Variants in HTR3D observed in about 807,000 individuals in gnomAD.
HTR3D encodes the protein 5-hydroxytryptamine (serotonin) receptor 3 family member D.
HTR3D carries 47 observed loss-of-function variants against 45.8 expected under a neutral mutation model. That is an observed-to-expected ratio of 1.03 (90% CI 0.81 to 1.31). The LOEUF is 1.31. HTR3D is among the 50% of genes most tolerant of loss of function. HTR3D has a pLI of 0.00. For missense variants in HTR3D, 448 were observed against 506.9 expected, an observed-to-expected ratio of 0.88 and a Z score of 1.12; for synonymous variants, 203 against 199.8, an observed-to-expected ratio of 1.02 and a Z score of -0.13.
Position 184,038,482 on chromosome 3 carries a change from G to A in HTR3D, c.843G>A (p.Leu281=). 1 of 1,614,024 alleles carries A rather than the reference G, an allele frequency of 6.2e-7. No individual in the cohort carries two copies. ...AGACCATCTTCATCACCCACCTGCTGCACGTGGCCACCACCCAGCCCCTAC... is the reference window on the plus strand; with the variant it reads ...AGACCATCTTCATCACCCACCTGCTACACGTGGCCACCACCCAGCCCCTAC... ...LLETIFITHL[L]HVATTQPLPL... Residue 281 remains leucine (L), a synonymous_variant, in exon 7 of 8, where the codon CTG becomes CTA. Coordinates refer to ENST00000428798, the MANE Select transcript of HTR3D (RefSeq NM_001145143.1). The surrounding 1 kb of genome is among the most constrained non-coding windows in gnomAD (Gnocchi z 4.5).
chr3:184,034,470 T>A, intron 1 of HTR3D, among the ~76,000 whole-genome samples: 1 of 152,182 alleles, frequency 6.6e-6, no homozygotes, highest in East Asian at 1.9e-4. Context: ...GTTTCCATTT[T>A]GCAAGAAGAA....
Position 184,036,911 on chromosome 3 carries a change from C to G in HTR3D, c.516+15C>G. ...CCATCTTCCATGTGAGCTCAGGGGC[C>G]AAGACAAGGTTTCACCATGTTGGCC... On this transcript the variant is annotated intron_variant, in intron 5 of 7. Coordinates refer to ENST00000428798, the MANE Select transcript of HTR3D (RefSeq NM_001145143.1). The G allele has an allele frequency of 6.5e-7, 1 of 1,550,156 alleles. No homozygotes were observed. Among genetic ancestry groups the G allele is most frequent in the South Asian group, 1.2e-5 (1 of 83,896 alleles).
chr3:184,032,925 C>T (rs768195397), intron 1 of HTR3D: 1 of 1,552,680 alleles, frequency 6.4e-7, no homozygotes. Flanking sequence ...ATCAATTGCC[C>T]AGGCTTTGGC....
rs1406764181 is a variant in HTR3D, at chr3:184,038,349, A to G, written c.770-60A>G. 9.9e-6 allele frequency: 16 copies of G among 1,612,570 alleles called. No homozygotes were observed. The highest frequency in any genetic ancestry group is 1.3e-5 in the African/African-American group (1 of 74,864). On this transcript the variant is annotated intron_variant, in intron 6 of 7. Coordinates refer to ENST00000428798, the MANE Select transcript of HTR3D (RefSeq NM_001145143.1). This position sits in a 1 kb window ranked among gnomAD's most constrained non-coding sequence, Gnocchi z 4.5. ...GGATCCTGGAAAAAGATCCTCTGGGAAAGAAACAAGAAATTCTAGGTGGCG... is the reference window on the plus strand; with the variant it reads ...GGATCCTGGAAAAAGATCCTCTGGGGAAGAAACAAGAAATTCTAGGTGGCG...
At chr3:184,037,260 A>G (rs1722935137) in intron 5 of HTR3D, among the ~76,000 whole-genome samples, 1 of 151,890 alleles carries the variant, frequency 6.6e-6, no homozygotes, top group African/African-American at 2.4e-5. Context: ...GGCCGGTCTC[A>G]AAGTCCTGAA....
chr3:184,035,088 G>T, intron 1 of HTR3D, 90 bp from the exon 2 acceptor site: 1 of 1,540,322 alleles, frequency 6.5e-7, no homozygotes, highest in African/African-American at 1.4e-5. Context: ...ATTGCCACAT[G>T]GACCAGCCTT....
rs569970619 is a variant in HTR3D, at chr3:184,035,169, C to G, written c.67-9C>G. ...GAGTTAATCATCTAGATGAAAGCTG[C>G]TATTCCAGGATTCACACCTTCAACT... On this transcript the variant is annotated splice_polypyrimidine_tract_variant and intron_variant, in intron 1 of 7. Transcript: ENST00000428798. 7 of 1,551,962 alleles carry G rather than the reference C, an allele frequency of 4.5e-6. No homozygotes were observed. The South Asian group carries it at 5.9e-5, about 13-fold the overall frequency.
chr3:184,036,367 A>G lies in HTR3D; in HGVS notation c.198-8A>G. ...CTACCTCCCTGTCCTTCTCCCACACAGCATCAGTGTGGATCAGACACCTGC... is the reference window on the plus strand; with the variant it reads ...CTACCTCCCTGTCCTTCTCCCACACGGCATCAGTGTGGATCAGACACCTGC... On this transcript the variant is annotated splice_region_variant and splice_polypyrimidine_tract_variant and intron_variant, in intron 3 of 7. Transcript: ENST00000428798. The G allele has an allele frequency of 6.2e-7, 1 of 1,613,916 alleles. No individual in the cohort carries two copies. Among genetic ancestry groups the G allele is most frequent in the South Asian group, 1.1e-5 (1 of 91,038 alleles).
chr3:184,039,059 T>C lies in HTR3D; in HGVS notation c.*84T>C, dbSNP rs1312607603. On this transcript the variant is annotated 3_prime_UTR_variant, in exon 8 of 8. Transcript: ENST00000428798. ...CCAGTCAGGCTCTCAGTCAGCCTTGTGGCCCTGTCAACCGCCTCATTTTTA... is the reference window on the plus strand; with the variant it reads ...CCAGTCAGGCTCTCAGTCAGCCTTGCGGCCCTGTCAACCGCCTCATTTTTA... The C allele has an allele frequency of 2.3e-6, 2 of 882,476 alleles. No individual in the cohort carries two copies. The allele number at this position is 882,476 out of a possible 1,614,324, so 54.7% of individuals were successfully genotyped here.
In HTR3D at chr3:184,038,527, C is replaced by T; in HGVS notation, c.888C>T (p.His296=). 1 of 1,613,984 alleles carries T rather than the reference C, an allele frequency of 6.2e-7. No homozygotes were observed. The highest frequency in any genetic ancestry group is 8.5e-7 in the Non-Finnish European group (1 of 1,180,044). Residue 296 remains histidine, a synonymous_variant, in exon 7 of 8, where the codon CAC becomes CAT. Coordinates refer to ENST00000428798, the MANE Select transcript of HTR3D (RefSeq NM_001145143.1). The surrounding 1 kb of genome is among the most constrained non-coding windows in gnomAD (Gnocchi z 4.5). ...TQPLPLPRWL[H]SLLLHCTGQG... Reference sequence around the variant, plus strand: ...CCCTACCTCTGCCTCGGTGGCTCCACTCCCTGCTGCTGCACTGCACCGGCC... The same window carrying T: ...CCCTACCTCTGCCTCGGTGGCTCCATTCCCTGCTGCTGCACTGCACCGGCC...
chr3:184,037,037 C>CTT lies in HTR3D; in HGVS notation c.516+153_516+154dup, dbSNP rs11448445. On this transcript the variant is annotated intron_variant, in intron 5 of 7. Coordinates refer to ENST00000428798, the MANE Select transcript of HTR3D (RefSeq NM_001145143.1). ...ACCACGAAGCCCGGCCTTTGTCACT[C>CTT]TTTTTTTTTTTTTAAATTTGAGATA... is the stretch of plus-strand genomic sequence containing the variant. 4,575 of 560,640 alleles carry CTT rather than the reference C, an allele frequency of 8.2e-3. 15 individuals carry two copies. Among genetic ancestry groups the CTT allele is most frequent in the African/African-American group, 0.024 (1,200 of 50,164 alleles). 34.7% of individuals were successfully genotyped at this position (560,640 alleles called of 1,614,324 possible). A position where few individuals can be genotyped will look rare whatever the true frequency, so the allele number is the denominator to read the frequency against.
chr3:184,033,316 TG>T (rs1485515126), intron 1 of HTR3D, among the ~76,000 whole-genome samples: 4 of 152,004 alleles, frequency 2.6e-5, no homozygotes, highest in Non-Finnish European at 4.4e-5. Flanking sequence ...TTGGCCAGGC[TG>T]GTCTCAAATT....
chr3:184,033,066 T>A, intron 1 of HTR3D: 6 of 1,546,982 alleles, frequency 3.9e-6, no homozygotes, highest in Non-Finnish European at 5.2e-6. Context: ...AAGTTGTAAG[T>A]CCTCACCCAA....
chr3:184,036,032 C>T lies in HTR3D; in HGVS notation c.129C>T (p.Cys43=), dbSNP rs773808960. ...TTGTGCAGTGGAACCCAGATGAATG[C>T]GGAGGCATCAAGAAGTCCGGCATGG... is the stretch of plus-strand genomic sequence containing the variant. The part of the protein sequence containing the change: ...LWLNMWNPDE[C]GGIKKSGMAT... Residue 43 remains cysteine (C), a synonymous_variant, in exon 3 of 8, where the codon TGC becomes TGT. Transcript: ENST00000428798. 8.3e-5 allele frequency: 129 copies of T among 1,551,404 alleles called. No individual in the cohort carries two copies. Among genetic ancestry groups the T allele is most frequent in the Non-Finnish European group, 9.9e-5 (114 of 1,146,954 alleles).
rs867418009 is a variant in HTR3D, at chr3:184,033,014, G to A, written c.66+1207G>A. The A allele has an allele frequency of 5.7e-5, 88 of 1,551,868 alleles. No homozygotes were observed. The East Asian group carries it at 8.6e-4, about 15-fold the overall frequency. On this transcript the variant is annotated intron_variant, in intron 1 of 7. Coordinates refer to ENST00000428798, the MANE Select transcript of HTR3D (RefSeq NM_001145143.1). ...TGGTCCAGTCACCAACTACAGTGTCGCCACTCATGTCAACATCTCCTTCAC... is the reference window on the plus strand; with the variant it reads ...TGGTCCAGTCACCAACTACAGTGTCACCACTCATGTCAACATCTCCTTCAC...
At chr3:184,033,810 G>C (rs571286537) in intron 1 of HTR3D, among the ~76,000 whole-genome samples, 1 of 152,208 alleles carries the variant, frequency 6.6e-6, no homozygotes, top group Non-Finnish European at 1.5e-5. Context: ...CCAGCTAGTC[G>C]GGAGGAGGAG....
intron 1 of HTR3D, among the ~76,000 whole-genome samples, chr3:184,034,721 TGAGGCAG>T (rs1316610682): frequency 2.0e-5 from 3 of 151,908 alleles, no homozygotes; most frequent in Admixed American, 6.6e-5. Flanking sequence ...CTCGGGAGGC[TGAGGCAG>T]GAGGCAGGAG....
rs1221439551 is a variant in HTR3D at position 184,036,801 on chromosome 3, T to C, written c.421T>C (p.Phe141Leu). 3.2e-6 allele frequency: 5 copies of C among 1,551,896 alleles called. No individual in the cohort carries two copies. The highest frequency in any genetic ancestry group is 2.6e-6 in the Non-Finnish European group (3 of 1,147,070). ...CTTTCAAATACATCACAGAACCTCA[T>C]TCAGAACAAGGAGGGAGTGGGTACT... ...RSFQIHHRTS[F>L]RTRREWVLLG... Residue 141 changes from phenylalanine (F) to leucine (L), a missense_variant, in exon 5 of 8, where the codon TTC (phenylalanine) becomes CTC (leucine). Transcript: ENST00000428798.
At chr3:184,033,393 G>A (rs532337764) in intron 1 of HTR3D, among the ~76,000 whole-genome samples, 59 of 151,966 alleles carry the variant, frequency 3.9e-4, no homozygotes, top group African/African-American at 1.3e-3. Flanking sequence ...ATGAGCCACC[G>A]TGCCTGGCCC....
Sources: gnomAD v4.1 joint callset for allele counts (sites outside exome capture counted in the v4.1 genomes callset) on GRCh38, gnomAD v4.1.1 for gene constraint, Gnocchi (gnomAD v3.1) non-coding constraint, MANE v1.5 for transcripts, NCBI Gene and HGNC (gene_info 2026-07-23, HGNC 2026-07-21) for gene names.